ZNF69: variants seen among roughly 807,000 people sequenced by gnomAD.
ZNF69 encodes zinc finger protein 69.
A neutral mutation model predicts 50.9 loss-of-function variants in ZNF69; 47 were observed. The observed-to-expected ratio is 0.92, with a 90% CI of 0.73 to 1.18. The LOEUF (loss-of-function observed/expected upper bound fraction) is 1.18, where lower values mean the gene tolerates loss of function less well. Among genes scored for constraint, ZNF69 ranks in the 50% most tolerant of loss-of-function variants. ZNF69 has a pLI of 0.00. For missense variants in ZNF69, 717 were observed against 675.1 expected (o/e 1.06, Z -0.69); for synonymous variants, 216 against 223.1 (o/e 0.97, Z 0.29).
chr19:11,894,690 C>A (rs773024069), intron 1 of ZNF69, among the ~76,000 whole-genome samples: 2 of 152,112 alleles, frequency 1.3e-5, no homozygotes, highest in Non-Finnish European at 1.5e-5. Flanking sequence ...GAATGCCTTA[C>A]GATGGAAGGA....
chr19:11,906,682 C>T lies in ZNF69; in HGVS notation c.*584C>T, dbSNP rs1223016858. Among the ~76,000 whole-genome samples, 1 of 152,190 alleles carries T rather than the reference C, an allele frequency of 6.6e-6. No individual in the cohort carries two copies. The highest frequency in any genetic ancestry group is 1.5e-5 in the Non-Finnish European group (1 of 68,040). On this transcript the variant is annotated 3_prime_UTR_variant, in exon 4 of 4. Transcript: ENST00000429654. ...CCAAAACCCATCTGTACATCACCAT[C>T]ATCAAAGACCAAAAGTAGATAAAAC...
At chr19:11,952,855 C>T in the ZNF69 span, 1 of 152,212 alleles carries the variant, frequency 6.6e-6, no homozygotes, top group Non-Finnish European at 1.5e-5. Flanking sequence ...AGGTGGATCA[C>T]TTGAGGTCAG....
the ZNF69 span, among the ~76,000 whole-genome samples, chr19:11,942,389 CA>C: frequency 1.3e-5 from 2 of 151,980 alleles, no homozygotes; most frequent in African/African-American, 4.8e-5. Flanking sequence ...TCCGTTATGA[CA>C]GGTGCTACAG....
rs1031722364 is a variant in ZNF69, at chr19:11,903,896, A to C, written c.191-9A>C. 3.7e-6 allele frequency: 6 copies of C among 1,613,022 alleles called. No homozygotes were observed. Among genetic ancestry groups the C allele is most frequent in the Non-Finnish European group, 5.1e-6 (6 of 1,179,736 alleles). ...GCCTCAGGACTATTTTTCTGTGTCT[A>C]TATTTTAGGAAAAAGTTGGAAAGAC... On this transcript the variant is annotated splice_polypyrimidine_tract_variant and intron_variant, in intron 2 of 3. Coordinates refer to ENST00000429654, the MANE Select transcript of ZNF69 (RefSeq NM_001364730.1).
downstream of ZNF69, among the ~76,000 whole-genome samples, chr19:11,910,516 A>T (rs1224417129): frequency 6.6e-6 from 1 of 152,136 alleles, no homozygotes; most frequent in Non-Finnish European, 1.5e-5. Flanking sequence ...AAATAATACC[A>T]CACATCTACA....
chr19:11,941,945 A>G, the ZNF69 span, among the ~76,000 whole-genome samples: 2 of 150,180 alleles, frequency 1.3e-5, no homozygotes, highest in South Asian at 2.1e-4. Flanking sequence ...CTGCCACCCC[A>G]GGAAGGTTGT....
At chr19:11,896,279 G>T (rs1360969575) in intron 1 of ZNF69, among the ~76,000 whole-genome samples, 1 of 147,060 alleles carries the variant, frequency 6.8e-6, no homozygotes, top group East Asian at 2.0e-4. Context: ...GTTTTCCATT[G>T]GTCTATCTTT....
chr19:11,898,843 A>G (rs1972184387), intron 1 of ZNF69, among the ~76,000 whole-genome samples: 1 of 152,204 alleles, frequency 6.6e-6, no homozygotes, highest in Non-Finnish European at 1.5e-5. Context: ...CAAAGAAAAT[A>G]ATTGTTTTAA....
At chr19:11,930,128 C>T in the ZNF69 span, among the ~76,000 whole-genome samples, 2 of 148,220 alleles carry the variant, frequency 1.3e-5, no homozygotes, top group Admixed American at 1.3e-4. Flanking sequence ...GAGGAGATGC[C>T]TGGTATACTT....
At chr19:11,901,922 T>C (rs2145231321) in intron 1 of ZNF69, among the ~76,000 whole-genome samples, 1 of 152,324 alleles carries the variant, frequency 6.6e-6, no homozygotes, top group East Asian at 1.9e-4. Context: ...TATTTTGCTT[T>C]TTTCAATTAT....
At chr19:11,897,312 A>C (rs184766571) in intron 1 of ZNF69, among the ~76,000 whole-genome samples, 1 of 152,302 alleles carries the variant, frequency 6.6e-6, no homozygotes, top group African/African-American at 2.4e-5. Context: ...ACGCCATTGC[A>C]CTCCAGCCTG....
the ZNF69 span, among the ~76,000 whole-genome samples, chr19:11,969,224 C>G: frequency 1.3e-5 from 2 of 152,218 alleles, no homozygotes; most frequent in African/African-American, 4.8e-5. Context: ...CTGGCCTCAG[C>G]CTTTCCAGTA....
the ZNF69 span, among the ~76,000 whole-genome samples, chr19:11,921,008 G>C: frequency 6.6e-6 from 1 of 152,114 alleles, no homozygotes; most frequent in Non-Finnish European, 1.5e-5. Context: ...GCTTGTGCCT[G>C]CCATACTAAC....
the ZNF69 span, among the ~76,000 whole-genome samples, chr19:11,954,962 A>G: frequency 6.7e-6 from 1 of 150,282 alleles, no homozygotes; most frequent in Non-Finnish European, 1.5e-5. Context: ...TCAGAAAAAT[A>G]TCATTTGTCT....
At chr19:11,962,053 C>A in the ZNF69 span, among the ~76,000 whole-genome samples, 2 of 152,120 alleles carry the variant, frequency 1.3e-5, no homozygotes, top group African/African-American at 2.4e-5. Context: ...TGGTCTCCAG[C>A]GATCTATCTG....
downstream of ZNF69, among the ~76,000 whole-genome samples, chr19:11,917,086 C>T (rs1972528827): frequency 6.6e-6 from 1 of 152,130 alleles, no homozygotes; most frequent in Non-Finnish European, 1.5e-5. Context: ...CTGAGAAGTA[C>T]AGGTGGCCCC....
chr19:11,925,127 G>C, the ZNF69 span: 13 of 1,537,186 alleles, frequency 8.5e-6, no homozygotes, highest in East Asian at 2.3e-5. Flanking sequence ...CTCGCTGCGC[G>C]GGCGGCGGTT....
chr19:11,953,521 T>C, the ZNF69 span: 1 of 152,258 alleles, frequency 6.6e-6, no homozygotes, highest in South Asian at 2.1e-4. Context: ...AAATCTGCAA[T>C]TTTTGACTTG....
the ZNF69 span, chr19:11,947,617 T>C: frequency 6.6e-7 from 1 of 1,517,422 alleles, no homozygotes; most frequent in Non-Finnish European, 9.1e-7. Flanking sequence ...CTCTGCACAA[T>C]CTTAGAATAT....
Sources: allele counts gnomAD v4.1 joint callset (sites outside exome capture counted in the v4.1 genomes callset), GRCh38; gene constraint gnomAD v4.1.1; transcripts MANE v1.5; gene names NCBI Gene and HGNC (gene_info 2026-07-23, HGNC 2026-07-21).